RHOD: variants seen among roughly 807,000 people sequenced by gnomAD.
RHOD encodes the protein rho-related GTP-binding protein RhoD.
RHOD carries 11 observed loss-of-function variants against 16.7 expected under a neutral mutation model. That is an observed-to-expected ratio of 0.66 (90% CI 0.41 to 1.09). The LOEUF (loss-of-function observed/expected upper bound fraction) is 1.09, where lower values mean the gene tolerates loss of function less well. Among genes scored for constraint, RHOD ranks in the 50% least tolerant of loss-of-function variants. The pLI, the probability that RHOD is intolerant of heterozygous loss-of-function variation, is 0.00. For synonymous variants in RHOD, 124 were observed against 126.3 expected, an observed-to-expected ratio of 0.98 and a Z score of 0.12; for missense variants, 271 against 291.7, an observed-to-expected ratio of 0.93 and a Z score of 0.52.
At chr11:67,066,919 C>T (rs1410796703) in intron 3 of RHOD, 72 bp downstream of exon 3, 1 of 1,009,010 alleles carries the variant, frequency 9.9e-7, no homozygotes, top group East Asian at 2.4e-5. Context: ...ACCCTCGACC[C>T]AGCTGACTGT....
intron 4 of RHOD, among the ~76,000 whole-genome samples, chr11:67,070,970 A>T (rs1424988119): frequency 3.3e-5 from 5 of 152,168 alleles, no homozygotes; most frequent in Non-Finnish European, 5.9e-5. Flanking sequence ...GCAGGGGCTC[A>T]CGCCTGTAAT....
At chr11:67,057,150 G>C in intron 1 of RHOD, 116 bp downstream of exon 1, 1 of 1,231,536 alleles carries the variant, frequency 8.1e-7, no homozygotes, top group South Asian at 2.1e-5. Context: ...GTGTCCCAGC[G>C]GGGCCTGGGG....
At chr11:67,064,447 GA>G (rs374339563) in intron 1 of RHOD, among the ~76,000 whole-genome samples, 4 of 151,724 alleles carry the variant, frequency 2.6e-5, no homozygotes, top group African/African-American at 7.2e-5. Flanking sequence ...AAAAACGGTA[GA>G]GGGGCGCATT....
intron 3 of RHOD, among the ~76,000 whole-genome samples, chr11:67,069,175 G>A (rs890556261): frequency 2.0e-5 from 3 of 151,784 alleles, no homozygotes; most frequent in Admixed American, 1.3e-4. Context: ...CAAACCAGCC[G>A]ACTTCAGCCG....
chr11:67,071,558 A>C lies in RHOD; in HGVS notation c.589A>C (p.Asn197His). 1 of 1,611,582 alleles carries C rather than the reference A, an allele frequency of 6.2e-7. No homozygotes were observed. Among genetic ancestry groups the C allele is most frequent in the South Asian group, 1.1e-5 (1 of 90,738 alleles). Residue 197 changes from asparagine to histidine, a missense_variant, in exon 5 of 5, where the codon AAC becomes CAC. Asn to His is a moderately conservative substitution (Grantham distance 68). Transcript: ENST00000308831. ...AEVALSSRGR[N>H]FWRRITQGFC... ...GGTGGCCCTCAGCAGCCGCGGTCGC[A>C]ACTTCTGGCGGCGGATTACCCAGGG...
At chr11:67,069,130 G>A (rs1366940788) in intron 3 of RHOD, among the ~76,000 whole-genome samples, 1 of 151,538 alleles carries the variant, frequency 6.6e-6, no homozygotes, top group Admixed American at 6.6e-5. Flanking sequence ...ACCAAGCCCG[G>A]CTGATGCCAA....
chr11:67,056,870 C>T lies in RHOD; in HGVS notation c.-33C>T, dbSNP rs1459332319. 1.5e-6 allele frequency: 2 copies of T among 1,353,914 alleles called. No homozygotes were observed. Among genetic ancestry groups the T allele is most frequent in the Admixed American group, 4.1e-5 (1 of 24,254 alleles). The allele number at this position is 1,353,914 out of a possible 1,614,324, so 83.9% of individuals were successfully genotyped here. A position where few individuals can be genotyped will look rare whatever the true frequency, so the allele number is the denominator to read the frequency against. ...GCAGTCTGGGTCTCTGCGCCGCAGC[C>T]GCCCGCCCGCCCGCTCAGCGCCCGG... On this transcript the variant is annotated 5_prime_UTR_variant, in exon 1 of 5. Transcript: ENST00000308831.
intron 1 of RHOD, 43 bp downstream of exon 1, chr11:67,057,077 G>C (rs528250388): frequency 1.4e-6 from 2 of 1,399,588 alleles, no homozygotes; most frequent in South Asian, 1.6e-5. Context: ...CCGCTCGCGC[G>C]CCCGGGTGTA....
chr11:67,065,926 A>G lies in RHOD; in HGVS notation c.163A>G (p.Met55Val), dbSNP rs1435529220. The change falls in exon 2 of 5, where the codon ATG (methionine) becomes GTG (valine). Residue 55 changes from methionine to valine, a missense_variant. By Grantham distance (21) the Met-to-Val change is conservative. Coordinates refer to ENST00000308831, the MANE Select transcript of RHOD (RefSeq NM_014578.4). ...SYTPTVFERYMVNLQVKGKPV... is the reference protein window; with the variant it reads ...SYTPTVFERYVVNLQVKGKPV... Reference sequence around the variant, plus strand: ...CACCCCCACGGTGTTTGAGCGGTACATGGTCAACCTGCAAGTGAAAGGCAA... The same window carrying G: ...CACCCCCACGGTGTTTGAGCGGTACGTGGTCAACCTGCAAGTGAAAGGCAA... The G allele has an allele frequency of 2.7e-6, 4 of 1,483,282 alleles. No homozygotes were observed. The highest frequency in any genetic ancestry group is 2.2e-5 in the South Asian group (2 of 89,522). The allele number at this position is 1,483,282 out of a possible 1,614,324, so 91.9% of individuals were successfully genotyped here.
At chr11:67,062,171 G>A (rs1854901201) in intron 1 of RHOD, among the ~76,000 whole-genome samples, 2 of 152,138 alleles carry the variant, frequency 1.3e-5, no homozygotes. Flanking sequence ...ATGGACGGGG[G>A]CTCGTGTGGA....
At chr11:67,067,751 CAG>C (rs1431618403) in intron 3 of RHOD, among the ~76,000 whole-genome samples, 1 of 151,896 alleles carries the variant, frequency 6.6e-6, no homozygotes, top group Non-Finnish European at 1.5e-5. Flanking sequence ...TGCTGATGAT[CAG>C]AGTTTCTTGT....
At chr11:67,061,533 G>A (rs1204779913) in intron 1 of RHOD, among the ~76,000 whole-genome samples, 1 of 151,612 alleles carries the variant, frequency 6.6e-6, no homozygotes, top group Non-Finnish European at 1.5e-5. Flanking sequence ...TCAGGAGGCT[G>A]AGGCAGGAGA....
At chr11:67,066,284 C>A (rs1268588773) in intron 2 of RHOD, among the ~76,000 whole-genome samples, 1 of 152,210 alleles carries the variant, frequency 6.6e-6, no homozygotes, top group Non-Finnish European at 1.5e-5. Flanking sequence ...TCTGTAGGAT[C>A]TGTCTGTCCG....
intron 1 of RHOD, among the ~76,000 whole-genome samples, chr11:67,057,632 G>A (rs1263986893): frequency 6.6e-6 from 1 of 152,234 alleles, no homozygotes; most frequent in Non-Finnish European, 1.5e-5. Context: ...CTCTGCCTTG[G>A]AGGGTGGGAG....
intron 1 of RHOD, among the ~76,000 whole-genome samples, chr11:67,065,078 C>CTT (rs1209583009): frequency 5.6e-5 from 8 of 142,580 alleles, no homozygotes; most frequent in South Asian, 2.2e-4. Context: ...GCGGTAGGGA[C>CTT]TTTTTTTTTT....
intron 1 of RHOD, among the ~76,000 whole-genome samples, chr11:67,062,413 A>G (rs1276711620): frequency 6.6e-6 from 1 of 152,212 alleles, no homozygotes; most frequent in East Asian, 1.9e-4. Flanking sequence ...GGCAAAGGCA[A>G]AGGGCCTGAG....
At chr11:67,067,885 T>C (rs1854978140) in intron 3 of RHOD, among the ~76,000 whole-genome samples, 1 of 152,130 alleles carries the variant, frequency 6.6e-6, no homozygotes, top group Non-Finnish European at 1.5e-5. Context: ...CTACAAGCTC[T>C]GCCTCCCAGG....
chr11:67,061,986 A>G (rs1854897050), intron 1 of RHOD, among the ~76,000 whole-genome samples: 1 of 147,356 alleles, frequency 6.8e-6, no homozygotes, highest in African/African-American at 2.5e-5. Flanking sequence ...GACTCCGTCG[A>G]AAAAAAAAAA....
rs770013498 is a variant in RHOD, at chr11:67,066,763, G to A, written c.246G>A (p.Arg82=). The A allele has an allele frequency of 2.5e-6, 4 of 1,613,680 alleles. No individual in the cohort carries two copies. In the Admixed American group the frequency reaches 6.7e-5, roughly 27 times the overall value. ...TAGQDDYDRL[R]PLFYPDASVL... Reference sequence around the variant, plus strand: ...GGCAAGATGACTATGACCGCCTGCGGCCCCTGTTCTACCCTGACGCCAGCG... The same window carrying A: ...GGCAAGATGACTATGACCGCCTGCGACCCCTGTTCTACCCTGACGCCAGCG... The change falls in exon 3 of 5, where the codon CGG becomes CGA. Residue 82 remains arginine (R), a synonymous_variant. Coordinates refer to ENST00000308831, the MANE Select transcript of RHOD (RefSeq NM_014578.4).
Sources: gnomAD v4.1 joint callset for allele counts (sites outside exome capture counted in the v4.1 genomes callset) on GRCh38, gnomAD v4.1.1 for gene constraint, MANE v1.5 for transcripts, NCBI Gene and HGNC (gene_info 2026-07-23, HGNC 2026-07-21) for gene names.